Variants in DNAH11 observed in about 807,000 individuals in gnomAD.
DNAH11 encodes the protein axonemal beta dynein heavy chain 11.
DNAH11 carries 442 observed loss-of-function variants against 526.0 expected under a neutral mutation model. That is an observed-to-expected ratio of 0.84 (90% confidence interval 0.78 to 0.91). The LOEUF is 0.91. Among genes scored for constraint, DNAH11 ranks in the 40% least tolerant of loss-of-function variants. DNAH11 has a pLI of 0.00. For synonymous variants in DNAH11, 2,461 were observed against 1,935.9 expected, an observed-to-expected ratio of 1.27 and a Z score of -7.12; for missense variants, 6,989 against 5,448.7, an observed-to-expected ratio of 1.28 and a Z score of -8.90.
chr7:21,638,549 G>A (rs1018855405), intron 27 of DNAH11, among the ~76,000 whole-genome samples: 4 of 152,108 alleles, frequency 2.6e-5, no homozygotes, highest in African/African-American at 4.8e-5. Flanking sequence ...GGCTGTAAAC[G>A]AATTACATCT....
chr7:21,880,944 A>G (rs1272899088), intron 75 of DNAH11, 51 bp downstream of exon 75: 1 of 1,483,462 alleles, frequency 6.7e-7, no homozygotes, highest in Non-Finnish European at 9.0e-7. Flanking sequence ...CAAAGCTGTC[A>G]GTCTTTGGGC....
intron 28 of DNAH11, among the ~76,000 whole-genome samples, chr7:21,646,574 C>T (rs1403491293): frequency 6.6e-6 from 1 of 152,140 alleles, no homozygotes; most frequent in African/African-American, 2.4e-5. Context: ...GAGTATTAGG[C>T]AGAGTGCTGA....
intron 28 of DNAH11, among the ~76,000 whole-genome samples, chr7:21,642,646 C>T (rs1787180543): frequency 6.6e-6 from 1 of 152,116 alleles, no homozygotes. Context: ...AAAAGGCGCC[C>T]TGTGTGGGTA....
At position 21,543,533 on chromosome 7, in the gene DNAH11, C is replaced by T. The variant is rs576486289; in HGVS notation, c.288C>T (p.Ser96=). 1.9e-6 allele frequency: 3 copies of T among 1,609,914 alleles called. No homozygotes were observed. The highest frequency in any genetic ancestry group is 2.2e-5 in the East Asian group (1 of 44,794). Residue 96 remains serine, a synonymous_variant, in exon 1 of 82, where the codon AGC becomes AGT. Coordinates refer to ENST00000409508, the MANE Select transcript of DNAH11 (RefSeq NM_001277115.2). ...NRQVLGEFLE[S]TSPACLVFSF... ...AGGTTCTTGGGGAGTTTCTGGAAAG[C>T]ACCAGCCCGGCTTGCCTTGTGTTTA...
intron 27 of DNAH11, 73 bp from the exon 28 acceptor site, chr7:21,638,866 T>G: frequency 3.7e-4 from 561 of 1,522,960 alleles, no homozygotes; most frequent in Non-Finnish European, 4.5e-4. Context: ...ATAGAGGACT[T>G]GAGTTTTGTT....
intron 18 of DNAH11, among the ~76,000 whole-genome samples, chr7:21,605,035 G>C (rs780736365): frequency 6.6e-6 from 1 of 152,204 alleles, no homozygotes; most frequent in Non-Finnish European, 1.5e-5. Flanking sequence ...TAGACCTCCT[G>C]ATAGTTAGCA....
At position 21,711,871 on chromosome 7, in the gene DNAH11, C is replaced by CT. The variant is rs1186779713; in HGVS notation, c.6983+16dup. 1 of 1,597,628 alleles carries CT rather than the reference C, an allele frequency of 6.3e-7. No individual in the cohort carries two copies. The highest frequency in any genetic ancestry group is 1.7e-5 in the Admixed American group (1 of 57,180). On this transcript the variant is annotated intron_variant, in intron 42 of 81. Transcript: ENST00000409508. ...TCTGGGCTGGAATCCGTGAGTATTT[C>CT]TTTTTGTTTTATTGTAGTAAATTGT... is the stretch of plus-strand genomic sequence containing the variant.
chr7:21,714,459 AT>A (rs959798432), intron 42 of DNAH11, among the ~76,000 whole-genome samples: 15 of 152,106 alleles, frequency 9.9e-5, no homozygotes, highest in Non-Finnish European at 2.2e-4. Flanking sequence ...AATAAAGGGT[AT>A]TTTTTCCTCT....
At chr7:21,728,584 C>T (rs941907607) in intron 45 of DNAH11, among the ~76,000 whole-genome samples, 6 of 152,056 alleles carry the variant, frequency 3.9e-5, no homozygotes, top group East Asian at 1.9e-4. Context: ...ATTCTTAACC[C>T]ATTCCAGTAT....
intron 2 of DNAH11, among the ~76,000 whole-genome samples, chr7:21,557,132 A>G (rs1273035702): frequency 6.6e-6 from 1 of 151,618 alleles, no homozygotes; most frequent in African/African-American, 2.4e-5. Flanking sequence ...TTAAACCTAA[A>G]CTCTTCAGCC....
At chr7:21,688,734 T>C (rs118012853) in intron 34 of DNAH11, among the ~76,000 whole-genome samples, 1 of 152,350 alleles carries the variant, frequency 6.6e-6, no homozygotes, top group Non-Finnish European at 1.5e-5. Flanking sequence ...CCAAGACCTT[T>C]CAAATTATGT....
rs1440723245 is a variant in DNAH11 at position 21,698,154 on chromosome 7, G to T, written c.6121G>T (p.Ala2041Ser). ...TGCTGAAGGTTTTGTGGATGCGCGTGCATTAGCCCGAAAGTTCATTACGTT... is the reference window on the plus strand; with the variant it reads ...TGCTGAAGGTTTTGTGGATGCGCGTTCATTAGCCCGAAAGTTCATTACGTT... ...LVAEGFVDARALARKFITLYT... is the reference protein window; with the variant it reads ...LVAEGFVDARSLARKFITLYT... Residue 2041 changes from alanine to serine, a missense_variant, in exon 36 of 82, where the codon GCA (alanine) becomes TCA (serine). Ala to Ser is a moderately conservative substitution (Grantham distance 99). Transcript: ENST00000409508. The T allele has an allele frequency of 5.0e-6, 8 of 1,613,658 alleles. No individual in the cohort carries two copies. The highest frequency in any genetic ancestry group is 6.8e-6 in the Non-Finnish European group (8 of 1,179,732).
intron 28 of DNAH11, among the ~76,000 whole-genome samples, chr7:21,652,319 G>A (rs1034758569): frequency 6.6e-6 from 1 of 152,168 alleles, no homozygotes; most frequent in Non-Finnish European, 1.5e-5. Context: ...ACATTGAAGA[G>A]AATTACAATA....
intron 8 of DNAH11, among the ~76,000 whole-genome samples, chr7:21,576,186 C>G (rs1264554193): frequency 6.6e-6 from 1 of 152,084 alleles, no homozygotes; most frequent in Non-Finnish European, 1.5e-5. Context: ...TTGAGGAGAC[C>G]AAACAGCTGC....
In DNAH11 at chr7:21,600,711, C is replaced by G. The variant is rs1168201753; in HGVS notation, c.3036C>G (p.Val1012=). 6.2e-7 allele frequency: 1 copy of G among 1,613,348 alleles called. No homozygotes were observed. Among genetic ancestry groups the G allele is most frequent in the East Asian group, 2.2e-5 (1 of 44,868 alleles). Reference sequence around the variant, plus strand: ...ATAACATGTTAGGCCTGGCAGAGGTCAGGCAGGAGATCATGAACAGAGTGG... The same window carrying G: ...ATAACATGTTAGGCCTGGCAGAGGTGAGGCAGGAGATCATGAACAGAGTGG... ...DMDNMLGLAE[V]RQEIMNRVVN... The change falls in exon 16 of 82, where the codon GTC becomes GTG. Residue 1012 remains valine, a synonymous_variant. Transcript: ENST00000409508.
intron 39 of DNAH11, among the ~76,000 whole-genome samples, chr7:21,707,070 C>A (rs1562500393): frequency 6.6e-6 from 1 of 152,170 alleles, no homozygotes. Flanking sequence ...ATTTAGCAAC[C>A]TCCCTGGTCT....
chr7:21,753,325 A>G (rs1786492195), intron 54 of DNAH11, among the ~76,000 whole-genome samples: 1 of 152,160 alleles, frequency 6.6e-6, no homozygotes, highest in Non-Finnish European at 1.5e-5. Context: ...AATGCTTCCC[A>G]TGCTGCCTCC....
intron 70 of DNAH11, among the ~76,000 whole-genome samples, chr7:21,865,431 G>A (rs551380904): frequency 1.3e-5 from 2 of 152,272 alleles, no homozygotes; most frequent in Admixed American, 1.3e-4. Flanking sequence ...CATTCAAAAG[G>A]TTGATGAAGA....
intron 69 of DNAH11, among the ~76,000 whole-genome samples, chr7:21,863,585 G>A (rs762061239): frequency 1.3e-5 from 2 of 152,198 alleles, no homozygotes; most frequent in Admixed American, 6.5e-5. Flanking sequence ...CTCTGCCTCC[G>A]AAAGTGCTGG....
Sources: allele counts gnomAD v4.1 joint callset (sites outside exome capture counted in the v4.1 genomes callset), GRCh38; gene constraint gnomAD v4.1.1; transcripts MANE v1.5; gene names NCBI Gene and HGNC (gene_info 2026-07-23, HGNC 2026-07-21).